The following EYA1 variants were observed in gnomAD, a reference collection of about 807,000 sequenced individuals.
EYA1 encodes protein phosphatase EYA1.
Under a neutral mutation model 82.0 loss-of-function variants are expected in EYA1, and 16 were observed. The observed-to-expected ratio is 0.20, with a 90% CI of 0.13 to 0.30. EYA1 has a LOEUF of 0.30. EYA1 is among the 10% of genes least tolerant of loss of function. The probability of loss-of-function intolerance (pLI) is 1.00; values close to 1 mark genes in which losing one functional copy is unlikely to be tolerated. For missense variants in EYA1, 633 were observed against 730.7 expected (o/e 0.87, Z 1.54); for synonymous variants, 261 against 264.4 (o/e 0.99, Z 0.12).
chr8:71,275,417 G>A (rs1273574513), intron 9 of EYA1, among the ~76,000 whole-genome samples: 1 of 152,144 alleles, frequency 6.6e-6, no homozygotes, highest in Non-Finnish European at 1.5e-5. Context: ...GGGGCTGTGG[G>A]CATCCAAGTA....
intron 12 of EYA1, among the ~76,000 whole-genome samples, chr8:71,242,432 C>G (rs1812583251): frequency 6.6e-6 from 1 of 152,098 alleles, no homozygotes; most frequent in Non-Finnish European, 1.5e-5. Flanking sequence ...TACCTTCATT[C>G]TCTTTTCTAC....
chr8:71,387,645 T>C (rs545841583), intron 2 of EYA1, among the ~76,000 whole-genome samples: 3 of 152,228 alleles, frequency 2.0e-5, no homozygotes, highest in East Asian at 1.9e-4. Context: ...GGTCACAGTG[T>C]GGACAGTGGT....
intron 7 of EYA1, among the ~76,000 whole-genome samples, chr8:71,305,656 A>C (rs1820650703): frequency 6.6e-6 from 1 of 151,682 alleles, no homozygotes; most frequent in African/African-American, 2.4e-5. Flanking sequence ...CAAATAAATA[A>C]ATAAATAAAT....
intron 7 of EYA1, among the ~76,000 whole-genome samples, chr8:71,302,260 A>G (rs1820278145): frequency 6.6e-6 from 1 of 152,202 alleles, no homozygotes; most frequent in Non-Finnish European, 1.5e-5. Flanking sequence ...CTATCCACCA[A>G]GAAAATGAAT....
intron 2 of EYA1, among the ~76,000 whole-genome samples, chr8:71,464,839 C>T (rs1490478775): frequency 6.6e-6 from 1 of 152,154 alleles, no homozygotes; most frequent in African/African-American, 2.4e-5. Context: ...TACTTTCAGA[C>T]TCACTTCCTA....
chr8:71,445,117 A>C (rs193268941), intron 2 of EYA1, among the ~76,000 whole-genome samples: 2 of 152,180 alleles, frequency 1.3e-5, no homozygotes, highest in Non-Finnish European at 2.9e-5. Context: ...TTTATTTTTT[A>C]GTGTGTATGT....
At chr8:71,200,300 T>G (rs999796296) in intron 17 of EYA1, among the ~76,000 whole-genome samples, 3 of 152,174 alleles carry the variant, frequency 2.0e-5, no homozygotes, top group Admixed American at 6.5e-5. Context: ...TCTGAGAAAT[T>G]TGGAAAAATT....
At chr8:71,496,297 T>C (rs1013545680) in intron 2 of EYA1, among the ~76,000 whole-genome samples, 2 of 152,220 alleles carry the variant, frequency 1.3e-5, no homozygotes, top group Non-Finnish European at 1.5e-5. Flanking sequence ...CTAACACCAT[T>C]GTCATAGCCT....
chr8:71,267,944 G>C (rs1011711412), intron 11 of EYA1, among the ~76,000 whole-genome samples: 1 of 152,180 alleles, frequency 6.6e-6, no homozygotes, highest in African/African-American at 2.4e-5. Flanking sequence ...AAGTTCTAAT[G>C]ATTGACACAT....
intron 1 of EYA1, among the ~76,000 whole-genome samples, chr8:71,542,993 A>G (rs1399224835): frequency 2.0e-5 from 3 of 151,736 alleles, no homozygotes; most frequent in African/African-American, 7.3e-5. Context: ...TTTTTTTCCC[A>G]TTCTGTAGAT....
chr8:71,447,958 T>C (rs1807021968), intron 2 of EYA1, among the ~76,000 whole-genome samples: 1 of 151,364 alleles, frequency 6.6e-6, no homozygotes, highest in Admixed American at 6.6e-5. Context: ...CAATTGACTC[T>C]TCCTTTCCAA....
intron 2 of EYA1, chr8:71,529,987 A>T (rs1376979813): frequency 6.6e-6 from 1 of 152,210 alleles, no homozygotes; most frequent in East Asian, 1.9e-4. Context: ...TTTAGGCCTC[A>T]CACTCTTATT....
intron 11 of EYA1, among the ~76,000 whole-genome samples, chr8:71,266,328 C>G (rs565383440): frequency 6.6e-6 from 1 of 152,254 alleles, no homozygotes; most frequent in African/African-American, 2.4e-5. Flanking sequence ...CTGGGGGAAA[C>G]AAAAGGACTG....
At chr8:71,340,848 C>A (rs1825046085) in intron 3 of EYA1, among the ~76,000 whole-genome samples, 1 of 151,938 alleles carries the variant, frequency 6.6e-6, no homozygotes, top group East Asian at 1.9e-4. Context: ...CGTTGAAATT[C>A]AATATTTATT....
chr8:71,544,589 A>G (rs1306513164), intron 1 of EYA1, among the ~76,000 whole-genome samples: 2 of 152,190 alleles, frequency 1.3e-5, no homozygotes, highest in African/African-American at 2.4e-5. Flanking sequence ...ATCCTCCTAT[A>G]CAAAATGATC....
intron 4 of EYA1, among the ~76,000 whole-genome samples, chr8:71,327,107 C>T (rs1352010780): frequency 2.0e-5 from 3 of 152,192 alleles, no homozygotes; most frequent in Admixed American, 6.5e-5. Context: ...TATTTACATA[C>T]ACCAGCACTT....
At chr8:71,413,346 C>A (rs1830702689) in intron 2 of EYA1, among the ~76,000 whole-genome samples, 1 of 152,200 alleles carries the variant, frequency 6.6e-6, no homozygotes, top group South Asian at 2.1e-4. Flanking sequence ...CAATATTCAG[C>A]AAGGATTTGA....
chr8:71,378,282 C>T (rs1022849639), intron 2 of EYA1, among the ~76,000 whole-genome samples: 2 of 152,006 alleles, frequency 1.3e-5, no homozygotes, highest in Non-Finnish European at 2.9e-5. Flanking sequence ...AAGGGAAGAC[C>T]CTTTAAGATA....
chr8:71,292,329 TAGAAAAAAAATCATTGG>T (rs1819097594), intron 9 of EYA1, among the ~76,000 whole-genome samples: 1 of 151,970 alleles, frequency 6.6e-6, no homozygotes, highest in African/African-American at 2.4e-5. Flanking sequence ...ATTTTGATCA[TAGAAAAAAAATCATTGG>T]CTTTGTAAAA....
Sources: gnomAD v4.1 joint callset for allele counts (sites outside exome capture counted in the v4.1 genomes callset) on GRCh38, gnomAD v4.1.1 for gene constraint, MANE v1.5 for transcripts, NCBI Gene and HGNC (gene_info 2026-07-23, HGNC 2026-07-21) for gene names.